The following CHN2 variants were observed in gnomAD, a reference collection of about 807,000 sequenced individuals.
CHN2 encodes beta-chimaerin.
Under a neutral mutation model 56.3 loss-of-function variants are expected in CHN2, and 35 were observed. The observed-to-expected ratio is 0.62, with a 90% CI of 0.47 to 0.82. The LOEUF is 0.82. Among genes scored for constraint, CHN2 ranks in the 40% least tolerant of loss-of-function variants. The pLI is 0.00. For synonymous variants in CHN2, 210 were observed against 212.8 expected (o/e 0.99, Z 0.12); for missense variants, 491 against 580.5 (o/e 0.85, Z 1.58).
chr7:29,163,742 C>T (rs867252203), intron 2 of CHN2, among the ~76,000 whole-genome samples: 1 of 152,276 alleles, frequency 6.6e-6, no homozygotes, highest in Middle Eastern at 3.4e-3. Context: ...CTTTCCATTA[C>T]TATAGATTAG....
intron 1 of CHN2, among the ~76,000 whole-genome samples, chr7:29,264,888 A>G (rs543467105): frequency 6.9e-4 from 104 of 150,730 alleles, no homozygotes; most frequent in Middle Eastern, 3.4e-3. Context: ...AAAAAAAACA[A>G]GTTAATTTAG....
chr7:29,175,262 A>C (rs1406584060), intron 2 of CHN2, among the ~76,000 whole-genome samples: 5 of 149,326 alleles, frequency 3.3e-5, no homozygotes, highest in African/African-American at 1.2e-4. Flanking sequence ...GCAGTCTCTG[A>C]CTCCTGGGTT....
intron 1 of CHN2, among the ~76,000 whole-genome samples, chr7:29,289,671 G>C (rs1265983066): frequency 6.6e-6 from 1 of 152,198 alleles, no homozygotes; most frequent in African/African-American, 2.4e-5. Flanking sequence ...TATTTTCAAA[G>C]ACAAATATGC....
At chr7:29,414,688 C>T (rs1475634240) in intron 6 of CHN2, among the ~76,000 whole-genome samples, 4 of 152,174 alleles carry the variant, frequency 2.6e-5, no homozygotes, top group Non-Finnish European at 4.4e-5. Flanking sequence ...CGCATGCACA[C>T]GTCGCTTCAC....
chr7:29,437,630 A>G (rs1193563253), intron 6 of CHN2, among the ~76,000 whole-genome samples: 3 of 151,728 alleles, frequency 2.0e-5, no homozygotes, highest in Non-Finnish European at 4.4e-5. Context: ...TAAAACCATA[A>G]TAGGCCAAAA....
intron 6 of CHN2, among the ~76,000 whole-genome samples, chr7:29,463,489 C>T (rs146750453): frequency 3.9e-4 from 59 of 152,252 alleles, no homozygotes; most frequent in African/African-American, 9.9e-4. Context: ...TTTACCAGAG[C>T]GCAACAGTTT....
At chr7:29,251,227 C>T (rs997723906) in intron 1 of CHN2, among the ~76,000 whole-genome samples, 3 of 152,244 alleles carry the variant, frequency 2.0e-5, no homozygotes, top group South Asian at 2.1e-4. Flanking sequence ...CCAAGGCTGG[C>T]GGATCGCTTG....
intron 1 of CHN2, among the ~76,000 whole-genome samples, chr7:29,268,552 A>G (rs561285693): frequency 1.0e-4 from 15 of 145,026 alleles, no homozygotes; most frequent in East Asian, 5.8e-4. Context: ...GAATGCACGG[A>G]TGCTTCTGCA....
chr7:29,218,256 C>T (rs1785490459), intron 1 of CHN2, among the ~76,000 whole-genome samples: 1 of 149,866 alleles, frequency 6.7e-6, no homozygotes, highest in African/African-American at 2.4e-5. Flanking sequence ...CCATAAATAC[C>T]AGACAGCCAA....
intron 11 of CHN2, among the ~76,000 whole-genome samples, chr7:29,509,044 A>C (rs923049293): frequency 6.6e-6 from 1 of 152,246 alleles, no homozygotes; most frequent in African/African-American, 2.4e-5. Flanking sequence ...GCTGGTTTAC[A>C]GATTCATGGA....
At chr7:29,433,498 G>C (rs1279569533) in intron 6 of CHN2, among the ~76,000 whole-genome samples, 1 of 152,194 alleles carries the variant, frequency 6.6e-6, no homozygotes, top group Non-Finnish European at 1.5e-5. Flanking sequence ...GAATAAACCA[G>C]AAGTGTCGTG....
At chr7:29,404,884 A>G (rs2128089596) in intron 6 of CHN2, among the ~76,000 whole-genome samples, 1 of 151,976 alleles carries the variant, frequency 6.6e-6, no homozygotes, top group South Asian at 2.1e-4. Context: ...TTTAGCATAT[A>G]TTTTTTTCAT....
At chr7:29,233,971 C>T (rs1447163536) in intron 1 of CHN2, among the ~76,000 whole-genome samples, 1 of 149,226 alleles carries the variant, frequency 6.7e-6, no homozygotes, top group East Asian at 2.0e-4. Context: ...GTAGCTGGGA[C>T]TACAGGCGCC....
At chr7:29,188,541 T>TA (rs200976369) in intron 2 of CHN2, among the ~76,000 whole-genome samples, 25 of 151,904 alleles carry the variant, frequency 1.6e-4, no homozygotes, top group Admixed American at 8.5e-4. Flanking sequence ...ATTTTTTTTT[T>TA]AAAAAAAAGA....
chr7:29,160,990 G>GT (rs1268400218), intron 2 of CHN2, among the ~76,000 whole-genome samples: 2 of 152,012 alleles, frequency 1.3e-5, no homozygotes, highest in Admixed American at 6.5e-5. Flanking sequence ...CTCTGATTGA[G>GT]TTTTTCCTGC....
intron 1 of CHN2, among the ~76,000 whole-genome samples, chr7:29,316,593 A>G (rs1205426505): frequency 6.6e-6 from 1 of 152,322 alleles, no homozygotes; most frequent in South Asian, 2.1e-4. Context: ...TACTTGTTGT[A>G]AACTAGCCTA....
chr7:29,341,862 GCCAAACAGA>G (rs1172977955), intron 1 of CHN2, among the ~76,000 whole-genome samples: 3 of 152,174 alleles, frequency 2.0e-5, no homozygotes, highest in Non-Finnish European at 4.4e-5. Flanking sequence ...GGACTCCAGA[GCCAAACAGA>G]TCTGGATTTG....
At chr7:29,410,957 T>C (rs1803147322) in intron 6 of CHN2, among the ~76,000 whole-genome samples, 1 of 152,234 alleles carries the variant, frequency 6.6e-6, no homozygotes, top group Admixed American at 6.5e-5. Flanking sequence ...CCTAGCCACA[T>C]TAAAAATTCC....
intron 1 of CHN2, among the ~76,000 whole-genome samples, chr7:29,195,627 AGAGTGTGT>A (rs1269921316): frequency 3.3e-4 from 39 of 116,814 alleles, no homozygotes; most frequent in African/African-American, 1.5e-3. Flanking sequence ...AGAGAGAGAG[AGAGTGTGT>A]GTGTGTGTGT....
Sources: allele counts gnomAD v4.1 joint callset (sites outside exome capture counted in the v4.1 genomes callset), GRCh38; gene constraint gnomAD v4.1.1; transcripts MANE v1.5; gene names NCBI Gene and HGNC (gene_info 2026-07-23, HGNC 2026-07-21).